FSIP1: variants seen among roughly 807,000 people sequenced by gnomAD.
FSIP1 encodes fibrous sheath-interacting protein 1.
FSIP1 carries 65 observed loss-of-function variants against 60.9 expected under a neutral mutation model. That is an observed-to-expected ratio of 1.07 (90% confidence interval 0.87 to 1.31). The LOEUF is 1.31. Among genes scored for constraint, FSIP1 ranks in the 40% most tolerant of loss-of-function variants. The probability of loss-of-function intolerance (pLI) is 0.00; values close to 1 mark genes in which losing one functional copy is unlikely to be tolerated. For missense variants in FSIP1, 675 were observed against 665.5 expected (o/e 1.01, Z -0.16); for synonymous variants, 209 against 221.2 (o/e 0.94, Z 0.49).
chr15:39,644,823 T>A (rs1024667072), intron 10 of FSIP1, among the ~76,000 whole-genome samples: 2 of 152,146 alleles, frequency 1.3e-5, no homozygotes, highest in African/African-American at 4.8e-5. Flanking sequence ...CCGGCTGCCA[T>A]CAAAGGTTGA....
At chr15:39,672,440 G>A (rs1893759511) in intron 10 of FSIP1, among the ~76,000 whole-genome samples, 1 of 152,168 alleles carries the variant, frequency 6.6e-6, no homozygotes, top group Admixed American at 6.5e-5. Context: ...GAATAGTACA[G>A]ACAAGATAGA....
intron 11 of FSIP1, among the ~76,000 whole-genome samples, chr15:39,613,318 G>A (rs1255230763): frequency 3.3e-5 from 5 of 152,124 alleles, no homozygotes; most frequent in Non-Finnish European, 7.4e-5. Context: ...AAAATTATAT[G>A]CCAACATATA....
intron 1 of FSIP1, among the ~76,000 whole-genome samples, chr15:39,779,768 G>C (rs1318989734): frequency 6.6e-6 from 1 of 152,160 alleles, no homozygotes; most frequent in Non-Finnish European, 1.5e-5. Context: ...TTTCATAGAG[G>C]CTTCTGAGAA....
chr15:39,698,691 A>T lies in FSIP1; in HGVS notation c.1188+14753T>A, dbSNP rs558096320. 5.3e-4 allele frequency among the ~76,000 whole-genome samples: 80 copies of T among 152,164 alleles called. 2 individuals carry two copies. Among genetic ancestry groups the T allele is most frequent in the Admixed American group, 5.9e-4 (9 of 15,274 alleles). ...CGTTATAGTTTGCCAATGCTGGTGG[A>T]TGGCGTAACTTTCAGTTTGGGGTTC... On this transcript the variant is annotated intron_variant, in intron 10 of 11. Transcript: ENST00000350221.
intron 11 of FSIP1, among the ~76,000 whole-genome samples, chr15:39,608,778 C>A (rs923959308): frequency 6.6e-6 from 1 of 152,170 alleles, no homozygotes; most frequent in Non-Finnish European, 1.5e-5. Context: ...AAAAATCCAA[C>A]CAACTATTTA....
intron 5 of FSIP1, among the ~76,000 whole-genome samples, chr15:39,754,585 C>T (rs533227213): frequency 2.0e-5 from 3 of 151,776 alleles, no homozygotes; most frequent in African/African-American, 7.2e-5. Flanking sequence ...AGAACAAATA[C>T]TCATTTGGGG....
At chr15:39,673,892 T>A (rs946843780) in intron 10 of FSIP1, among the ~76,000 whole-genome samples, 3 of 151,986 alleles carry the variant, frequency 2.0e-5, no homozygotes, top group Admixed American at 6.6e-5. Context: ...AGCATTTTTT[T>A]AGTTTTAGTT....
intron 10 of FSIP1, among the ~76,000 whole-genome samples, chr15:39,632,073 T>C (rs1395134907): frequency 6.6e-6 from 1 of 152,220 alleles, no homozygotes; most frequent in East Asian, 1.9e-4. Flanking sequence ...GTACAATAGA[T>C]GTTCAATGTG....
At chr15:39,655,413 A>T (rs1325176647) in intron 10 of FSIP1, among the ~76,000 whole-genome samples, 1 of 152,198 alleles carries the variant, frequency 6.6e-6, no homozygotes. Flanking sequence ...TCAGAAAAAC[A>T]AGCCTCAAAA....
intron 10 of FSIP1, among the ~76,000 whole-genome samples, chr15:39,630,939 CA>C (rs776922102): frequency 3.9e-5 from 6 of 152,178 alleles, no homozygotes; most frequent in Non-Finnish European, 8.8e-5. Flanking sequence ...AGTGTATAAA[CA>C]AGAATCCCTC....
At chr15:39,658,230 C>A (rs778756050) in intron 10 of FSIP1, among the ~76,000 whole-genome samples, 1 of 150,072 alleles carries the variant, frequency 6.7e-6, no homozygotes, top group Non-Finnish European at 1.5e-5. Flanking sequence ...TTTGACTTAT[C>A]TTTCAACCTA....
chr15:39,703,632 G>T (rs897918159), intron 10 of FSIP1, among the ~76,000 whole-genome samples: 2 of 152,064 alleles, frequency 1.3e-5, no homozygotes, highest in Non-Finnish European at 2.9e-5. Flanking sequence ...AATCCATGCA[G>T]GGCTTAAAAC....
intron 8 of FSIP1, among the ~76,000 whole-genome samples, chr15:39,729,198 A>G (rs1054782473): frequency 1.3e-5 from 2 of 152,246 alleles, no homozygotes; most frequent in Non-Finnish European, 2.9e-5. Flanking sequence ...CAAGGAACTT[A>G]AAACACAAGC....
chr15:39,769,275 T>C (rs565387009), intron 3 of FSIP1, among the ~76,000 whole-genome samples: 5 of 137,270 alleles, frequency 3.6e-5, no homozygotes, highest in African/African-American at 1.4e-4. Flanking sequence ...CGAGACTCCG[T>C]CTCAAAAAAA....
At chr15:39,694,477 ATATTTACGTGCAAAGT>A (rs1894731293) in intron 10 of FSIP1, among the ~76,000 whole-genome samples, 1 of 152,212 alleles carries the variant, frequency 6.6e-6, no homozygotes, top group African/African-American at 2.4e-5. Context: ...GACTTTATAC[ATATTTACGTGCAAAGT>A]TTGAATTATA....
At chr15:39,696,027 A>G (rs553569722) in intron 10 of FSIP1, among the ~76,000 whole-genome samples, 2 of 152,348 alleles carry the variant, frequency 1.3e-5, no homozygotes, top group East Asian at 3.8e-4. Context: ...AACACACTCT[A>G]GAGATGATGC....
At chr15:39,756,021 G>C (rs1215838336) in intron 5 of FSIP1, among the ~76,000 whole-genome samples, 2 of 151,998 alleles carry the variant, frequency 1.3e-5, no homozygotes, top group Non-Finnish European at 2.9e-5. Context: ...CTCAGTAATG[G>C]GATGGGACAG....
At chr15:39,749,654 T>C (rs1006893817) in intron 5 of FSIP1, among the ~76,000 whole-genome samples, 12 of 151,994 alleles carry the variant, frequency 7.9e-5, no homozygotes, top group Non-Finnish European at 1.5e-4. Flanking sequence ...AGTTTAGGTA[T>C]AGAAGAAAAT....
intron 10 of FSIP1, among the ~76,000 whole-genome samples, chr15:39,669,433 C>T (rs1372490824): frequency 6.6e-6 from 1 of 152,202 alleles, no homozygotes; most frequent in Non-Finnish European, 1.5e-5. Context: ...AACCATGACA[C>T]TGTGCTTTCT....
Sources: gnomAD v4.1 joint callset for allele counts (sites outside exome capture counted in the v4.1 genomes callset) on GRCh38, gnomAD v4.1.1 for gene constraint, MANE v1.5 for transcripts, NCBI Gene and HGNC (gene_info 2026-07-23, HGNC 2026-07-21) for gene names.